SRGAP1: variants seen among roughly 807,000 people sequenced by gnomAD.
SRGAP1 encodes the protein SLIT-ROBO Rho GTPase activating protein 1, also known as SLIT-ROBO Rho GTPase-activating protein 1.
A neutral mutation model predicts 121.9 loss-of-function variants in SRGAP1; 43 were observed. The observed-to-expected ratio is 0.35, with a 90% CI of 0.28 to 0.46. The LOEUF (loss-of-function observed/expected upper bound fraction) is 0.46, where lower values mean the gene tolerates loss of function less well. SRGAP1 is among the 20% of genes least tolerant of loss of function. SRGAP1 has a pLI of 1.00. For synonymous variants in SRGAP1, 447 were observed against 485.4 expected, an observed-to-expected ratio of 0.92 and a Z score of 1.04; for missense variants, 1,102 against 1,350.9, an observed-to-expected ratio of 0.82 and a Z score of 2.89.
intron 1 of SRGAP1, among the ~76,000 whole-genome samples, chr12:63,877,450 C>G (rs559892332): frequency 6.6e-6 from 1 of 151,412 alleles, no homozygotes; most frequent in Non-Finnish European, 1.5e-5. Context: ...ACATTAGAAC[C>G]AAAAAAAAGC....
chr12:63,949,187 T>TATTTTCCATATATATATA, intron 1 of SRGAP1, among the ~76,000 whole-genome samples: 1 of 57,998 alleles, frequency 1.7e-5, no homozygotes, highest in South Asian at 5.5e-4. Flanking sequence ...CCATATATAT[T>TATTTTCCATATATATATA]TTTTTTTCCA....
At chr12:63,996,673 C>A (rs2033719289) in intron 3 of SRGAP1, among the ~76,000 whole-genome samples, 1 of 151,926 alleles carries the variant, frequency 6.6e-6, no homozygotes, top group Non-Finnish European at 1.5e-5. Context: ...AATAATATAA[C>A]AAGAAGAACT....
At chr12:64,065,084 G>C (rs1266448415) in intron 7 of SRGAP1, 34 bp from the exon 8 acceptor site, 2 of 1,548,198 alleles carry the variant, frequency 1.3e-6, no homozygotes, top group African/African-American at 2.7e-5. Context: ...GGTTGATGGT[G>C]CCCTGTTGTA....
intron 14 of SRGAP1, 99 bp from the exon 15 acceptor site, chr12:64,097,142 A>G (rs889772897): frequency 2.5e-6 from 3 of 1,195,044 alleles, no homozygotes; most frequent in Non-Finnish European, 3.4e-6. Flanking sequence ...TAATTAAAAG[A>G]TACATGTATA....
At chr12:63,872,035 C>A (rs1366687666) in intron 1 of SRGAP1, 1 of 787,938 alleles carries the variant, frequency 1.3e-6, no homozygotes, top group African/African-American at 1.7e-5. Context: ...GGTTTAGGTA[C>A]GTTGACCATC....
In SRGAP1 at chr12:64,160,156, T is replaced by G. The variant is rs952638737; in HGVS notation, c.*17484T>G. ...TGGATAAGTTGTTCTCTAAGTCTAC[T>G]GCATAGCTGAGAGCCTAAGATCTCT... On this transcript the variant is annotated 3_prime_UTR_variant, in exon 22 of 22. Transcript: ENST00000355086. 6.6e-6 allele frequency: 1 copy of G among 152,238 alleles called. No homozygotes were observed. Among genetic ancestry groups the G allele is most frequent in the Admixed American group, 6.5e-5 (1 of 15,284 alleles). 9.4% of individuals were successfully genotyped at this position (152,238 alleles called of 1,614,324 possible).
At position 64,153,187 on chromosome 12, in the gene SRGAP1, AC is replaced by A. The variant is rs1373627046; in HGVS notation, c.*10517del. On this transcript the variant is annotated 3_prime_UTR_variant, in exon 22 of 22. Coordinates refer to ENST00000355086, the MANE Select transcript of SRGAP1 (RefSeq NM_020762.4). The stretch of plus-strand genomic sequence containing the variant: ...AAGGAACTGCACATGGGAAAACAGG[AC>A]CATGCTCACGTGGTTAAAGAGTCAA... 1 of 151,986 alleles carries A rather than the reference AC, an allele frequency of 6.6e-6. No homozygotes were observed. Among genetic ancestry groups the A allele is most frequent in the Non-Finnish European group, 1.5e-5 (1 of 68,064 alleles). 9.4% of individuals were successfully genotyped at this position (151,986 alleles called of 1,614,324 possible).
chr12:63,908,834 T>A (rs949873283), intron 1 of SRGAP1, among the ~76,000 whole-genome samples: 2 of 152,222 alleles, frequency 1.3e-5, no homozygotes, highest in East Asian at 1.9e-4. Flanking sequence ...TAATCTTGTA[T>A]CCTTTCACAT....
chr12:63,889,380 G>A (rs1297508179), intron 1 of SRGAP1, among the ~76,000 whole-genome samples: 1 of 152,174 alleles, frequency 6.6e-6, no homozygotes, highest in Non-Finnish European at 1.5e-5. Flanking sequence ...GAGAGAAGAG[G>A]CGGCAACAGC....
At chr12:63,934,135 C>A (rs549955392) in intron 1 of SRGAP1, among the ~76,000 whole-genome samples, 347 of 152,202 alleles carry the variant, frequency 2.3e-3, no homozygotes, top group Non-Finnish European at 4.1e-3. Flanking sequence ...CTGAAAAAAA[C>A]AAGGAGACTC....
At chr12:63,889,402 G>C (rs1178787517) in intron 1 of SRGAP1, among the ~76,000 whole-genome samples, 1 of 152,136 alleles carries the variant, frequency 6.6e-6, no homozygotes, top group East Asian at 1.9e-4. Flanking sequence ...TCTGGCCTGG[G>C]TGATCCCCGT....
chr12:63,908,675 C>A (rs950864051), intron 1 of SRGAP1, among the ~76,000 whole-genome samples: 1 of 152,188 alleles, frequency 6.6e-6, no homozygotes, highest in Non-Finnish European at 1.5e-5. Flanking sequence ...CAGGCATGAG[C>A]CACTGTACCC....
intron 3 of SRGAP1, among the ~76,000 whole-genome samples, chr12:64,001,374 T>A (rs1246918440): frequency 1.3e-5 from 2 of 152,244 alleles, no homozygotes; most frequent in African/African-American, 4.8e-5. Flanking sequence ...TTTCCTTTTA[T>A]CAACTCCCTG....
At chr12:63,853,725 A>G (rs1398089806) in intron 1 of SRGAP1, among the ~76,000 whole-genome samples, 2 of 152,158 alleles carry the variant, frequency 1.3e-5, no homozygotes, top group Non-Finnish European at 2.9e-5. Flanking sequence ...TAACTTTCCT[A>G]TTTAGTATAG....
intron 1 of SRGAP1, among the ~76,000 whole-genome samples, chr12:63,963,544 A>G (rs2032702737): frequency 6.6e-6 from 1 of 152,216 alleles, no homozygotes; most frequent in Non-Finnish European, 1.5e-5. Flanking sequence ...CGTGTTGGGA[A>G]CATTCAGAAT....
At chr12:64,131,515 C>A (rs2036784396) in intron 21 of SRGAP1, among the ~76,000 whole-genome samples, 1 of 152,170 alleles carries the variant, frequency 6.6e-6, no homozygotes, top group Non-Finnish European at 1.5e-5. Flanking sequence ...GGCTGTAGTG[C>A]TGCAGCTGTC....
intron 17 of SRGAP1, among the ~76,000 whole-genome samples, chr12:64,113,210 C>A (rs577992506): frequency 1.3e-5 from 2 of 152,092 alleles, no homozygotes; most frequent in South Asian, 4.2e-4. Context: ...GAGTTCGAGA[C>A]CAGCCTGGCC....
chr12:63,880,855 T>C (rs1900171773), intron 1 of SRGAP1, among the ~76,000 whole-genome samples: 1 of 152,206 alleles, frequency 6.6e-6, no homozygotes, highest in Non-Finnish European at 1.5e-5. Flanking sequence ...ACCCTAGATG[T>C]ACCTCGAAAA....
At chr12:64,125,301 G>GT (rs1187569154) in intron 18 of SRGAP1, among the ~76,000 whole-genome samples, 3 of 151,906 alleles carry the variant, frequency 2.0e-5, no homozygotes, top group Non-Finnish European at 4.4e-5. Flanking sequence ...TTTTGCATCT[G>GT]TTTTTTTAAT....
Sources: allele counts gnomAD v4.1 joint callset (sites outside exome capture counted in the v4.1 genomes callset), GRCh38; gene constraint gnomAD v4.1.1; transcripts MANE v1.5; gene names NCBI Gene and HGNC (gene_info 2026-07-23, HGNC 2026-07-21).